SKAP1: variants seen among roughly 807,000 people sequenced by gnomAD.
SKAP1 encodes src kinase associated phosphoprotein 1.
In SKAP1, 44 loss-of-function variants were observed where a neutral mutation model predicts 58.5. The ratio of observed to expected loss-of-function variants is 0.75; its 90% CI spans 0.59 to 0.97. The LOEUF is 0.97. Ranked by LOEUF, SKAP1 falls within the 50% of genes least tolerant of loss-of-function variation. The probability of loss-of-function intolerance (pLI) is 0.00; values close to 1 mark genes in which losing one functional copy is unlikely to be tolerated. For missense variants in SKAP1, 390 were observed against 435.2 expected, an observed-to-expected ratio of 0.90 and a Z score of 0.92; for synonymous variants, 127 against 149.7, an observed-to-expected ratio of 0.85 and a Z score of 1.11.
chr17:48,252,927 A>C (rs1222674335), intron 4 of SKAP1, among the ~76,000 whole-genome samples: 2 of 152,178 alleles, frequency 1.3e-5, no homozygotes, highest in Non-Finnish European at 2.9e-5. Flanking sequence ...CTCGGGTTTA[A>C]TGGCATAGTA....
At chr17:48,338,130 T>G (rs1193969810) in intron 4 of SKAP1, among the ~76,000 whole-genome samples, 1 of 151,480 alleles carries the variant, frequency 6.6e-6, no homozygotes, top group Non-Finnish European at 1.5e-5. Flanking sequence ...CTTCCTTCCT[T>G]CTTTCCTTTC....
chr17:48,363,893 G>T, intron 2 of SKAP1, 79 bp from the exon 3 acceptor site: 1 of 1,169,222 alleles, frequency 8.6e-7, no homozygotes, highest in Non-Finnish European at 1.2e-6. Flanking sequence ...CATAGCTATA[G>T]CACCTGGTCC....
intron 4 of SKAP1, among the ~76,000 whole-genome samples, chr17:48,324,512 G>T (rs1306392285): frequency 6.6e-6 from 1 of 151,942 alleles, no homozygotes; most frequent in Non-Finnish European, 1.5e-5. Context: ...ATATACATAA[G>T]CTTCAAAAAG....
chr17:48,164,613 C>T (rs552019281), intron 10 of SKAP1, among the ~76,000 whole-genome samples: 1 of 152,154 alleles, frequency 6.6e-6, no homozygotes, highest in Admixed American at 6.5e-5. Flanking sequence ...AAACAGAAGC[C>T]TTCCAGGAAA....
intron 4 of SKAP1, among the ~76,000 whole-genome samples, chr17:48,268,085 A>C (rs903710841): frequency 1.3e-5 from 2 of 152,164 alleles, no homozygotes; most frequent in Admixed American, 1.3e-4. Flanking sequence ...CGAAAGACAG[A>C]CATTACTCTT....
At chr17:48,346,056 T>A (rs2066718796) in intron 3 of SKAP1, 50 bp from the exon 4 acceptor site, 1 of 1,136,180 alleles carries the variant, frequency 8.8e-7, no homozygotes, top group South Asian at 1.5e-5. Flanking sequence ...GGCATCCTTA[T>A]AAAAGGATAC....
At chr17:48,134,157 C>T (rs968690815) in intron 12 of SKAP1, among the ~76,000 whole-genome samples, 8 of 152,060 alleles carry the variant, frequency 5.3e-5, no homozygotes, top group Non-Finnish European at 1.0e-4. Context: ...TATGAATGTA[C>T]TATAGTTATT....
chr17:48,441,081 T>C, the SKAP1 span, among the ~76,000 whole-genome samples: 1 of 152,190 alleles, frequency 6.6e-6, no homozygotes, highest in African/African-American at 2.4e-5. Flanking sequence ...TCTCTGATTC[T>C]TTCACTTTTC....
At chr17:48,441,622 C>T in the SKAP1 span, among the ~76,000 whole-genome samples, 6 of 152,136 alleles carry the variant, frequency 3.9e-5, no homozygotes, top group African/African-American at 1.4e-4. Flanking sequence ...ACTGTCTCCA[C>T]CCAGGCCATA....
chr17:48,407,415 GAAAA>G (rs943304041), intron 1 of SKAP1, among the ~76,000 whole-genome samples: 5 of 152,282 alleles, frequency 3.3e-5, no homozygotes, highest in Middle Eastern at 3.4e-3. Flanking sequence ...TGATAAGAAA[GAAAA>G]AGAGTGGGAA....
chr17:48,400,121 C>T (rs1270088692), intron 1 of SKAP1, among the ~76,000 whole-genome samples: 20 of 142,134 alleles, frequency 1.4e-4, no homozygotes, highest in African/African-American at 3.2e-4. Context: ...TTTTTTGAGA[C>T]GGAGTCTCAC....
intron 4 of SKAP1, among the ~76,000 whole-genome samples, chr17:48,257,250 T>C (rs574201820): frequency 6.6e-6 from 1 of 152,260 alleles, no homozygotes; most frequent in South Asian, 2.1e-4. Context: ...CCTGACTTAC[T>C]GTTCTCCATT....
At chr17:48,294,451 G>A (rs1001362559) in intron 4 of SKAP1, 8 of 152,106 alleles carry the variant, frequency 5.3e-5, no homozygotes, top group African/African-American at 1.7e-4. Flanking sequence ...CACAAAGGAC[G>A]CCAATCTACG....
At chr17:48,146,817 G>A (rs772410237) in intron 11 of SKAP1, among the ~76,000 whole-genome samples, 1 of 152,004 alleles carries the variant, frequency 6.6e-6, no homozygotes, top group Non-Finnish European at 1.5e-5. Flanking sequence ...TAGTAGAGAC[G>A]GGGTTTCACC....
intron 4 of SKAP1, among the ~76,000 whole-genome samples, chr17:48,334,141 C>T (rs1206914346): frequency 6.6e-6 from 1 of 151,920 alleles, no homozygotes; most frequent in East Asian, 1.9e-4. Context: ...CCCCAAGAGA[C>T]CCTGACACCT....
At chr17:48,423,461 G>A (rs1268999367) in intron 1 of SKAP1, among the ~76,000 whole-genome samples, 2 of 152,124 alleles carry the variant, frequency 1.3e-5, no homozygotes, top group African/African-American at 4.8e-5. Context: ...TACCCTTCCT[G>A]AGAAATTCAC....
At chr17:48,202,774 C>CG (rs2064745416) in intron 4 of SKAP1, among the ~76,000 whole-genome samples, 1 of 151,802 alleles carries the variant, frequency 6.6e-6, no homozygotes, top group South Asian at 2.1e-4. Flanking sequence ...ACTCAGCAAA[C>CG]GGGGAAAAAA....
At chr17:48,143,045 G>C (rs1324590692) in intron 11 of SKAP1, among the ~76,000 whole-genome samples, 1 of 148,272 alleles carries the variant, frequency 6.7e-6, no homozygotes, top group Non-Finnish European at 1.5e-5. Flanking sequence ...CTGAACTCCT[G>C]GGTTCAAGCA....
intron 4 of SKAP1, among the ~76,000 whole-genome samples, chr17:48,244,182 A>G (rs1244307901): frequency 6.6e-6 from 1 of 152,222 alleles, no homozygotes; most frequent in Non-Finnish European, 1.5e-5. Flanking sequence ...AGCAGAATGC[A>G]TGGCAGCTTT....
Sources: gnomAD v4.1 joint callset for allele counts (sites outside exome capture counted in the v4.1 genomes callset) on GRCh38, gnomAD v4.1.1 for gene constraint, MANE v1.5 for transcripts, NCBI Gene and HGNC (gene_info 2026-07-23, HGNC 2026-07-21) for gene names.